The following COG5 variants were observed in gnomAD, a reference collection of about 807,000 sequenced individuals.
COG5 encodes conserved oligomeric Golgi complex subunit 5.
Under a neutral mutation model 110.4 loss-of-function variants are expected in COG5, and 86 were observed. The observed-to-expected ratio is 0.78, with a 90% CI of 0.65 to 0.93. The LOEUF is 0.93. COG5 is among the 40% of genes least tolerant of loss of function. The pLI, the probability that COG5 is intolerant of heterozygous loss-of-function variation, is 0.00. For synonymous variants in COG5, 360 were observed against 334.6 expected, an observed-to-expected ratio of 1.08 and a Z score of -0.83; for missense variants, 1,077 against 987.0, an observed-to-expected ratio of 1.09 and a Z score of -1.22.
chr7:107,379,598 CAAAAAAA>C (rs200972977), intron 7 of COG5, among the ~76,000 whole-genome samples: 2 of 73,126 alleles, frequency 2.7e-5, no homozygotes, highest in African/African-American at 1.1e-4. Flanking sequence ...AAATGGAAAG[CAAAAAAA>C]AAAAAAAAAA....
chr7:107,447,984 C>A (rs1300486298), intron 6 of COG5, among the ~76,000 whole-genome samples: 1 of 152,058 alleles, frequency 6.6e-6, no homozygotes, highest in African/African-American at 2.4e-5. Context: ...GGTGAAACCC[C>A]ATCTCTACTA....
intron 7 of COG5, among the ~76,000 whole-genome samples, chr7:107,405,801 AG>A (rs1259387039): frequency 3.9e-5 from 6 of 152,132 alleles, no homozygotes; most frequent in African/African-American, 1.2e-4. Flanking sequence ...CTATATCATG[AG>A]GGCAGGGCAC....
At chr7:107,476,254 G>T (rs980505118) in intron 6 of COG5, among the ~76,000 whole-genome samples, 2 of 136,622 alleles carry the variant, frequency 1.5e-5, no homozygotes, top group African/African-American at 5.5e-5. Flanking sequence ...ATTCAACTCA[G>T]CTCTTTTGTA....
chr7:107,260,686 G>A (rs1331093160), intron 14 of COG5, among the ~76,000 whole-genome samples: 4 of 151,850 alleles, frequency 2.6e-5, no homozygotes, highest in Non-Finnish European at 5.9e-5. Flanking sequence ...GACCTACAAA[G>A]CTACATAAAA....
chr7:107,501,984 G>A (rs1798665102), intron 6 of COG5, among the ~76,000 whole-genome samples: 1 of 152,134 alleles, frequency 6.6e-6, no homozygotes, highest in South Asian at 2.1e-4. Context: ...ACAATAAAGG[G>A]AAAACGAGAA....
chr7:107,440,399 A>AG (rs1355566170), intron 6 of COG5, among the ~76,000 whole-genome samples: 1 of 152,078 alleles, frequency 6.6e-6, no homozygotes, highest in African/African-American at 2.4e-5. Flanking sequence ...AAAAAAAAAA[A>AG]GCTGAGAGGG....
chr7:107,238,487 C>A (rs1801371297), intron 17 of COG5, among the ~76,000 whole-genome samples: 1 of 152,202 alleles, frequency 6.6e-6, no homozygotes, highest in East Asian at 1.9e-4. Context: ...TTTTGACATA[C>A]TGATTTCAAG....
At chr7:107,407,915 G>C (rs917566023) in intron 7 of COG5, among the ~76,000 whole-genome samples, 4 of 152,150 alleles carry the variant, frequency 2.6e-5, no homozygotes, top group Admixed American at 2.6e-4. Flanking sequence ...TACAGTTTGA[G>C]ATTTATAAAG....
chr7:107,489,707 C>G (rs1164491957), intron 6 of COG5, among the ~76,000 whole-genome samples: 1 of 152,120 alleles, frequency 6.6e-6, no homozygotes, highest in African/African-American at 2.4e-5. Context: ...AGGAATGACC[C>G]TCAAAGAAAG....
chr7:107,470,578 G>A (rs1214644353), intron 6 of COG5: 1 of 152,050 alleles, frequency 6.6e-6, no homozygotes, highest in Non-Finnish European at 1.5e-5. Flanking sequence ...TGTATTTTAA[G>A]ATCTATTTCT....
intron 8 of COG5, among the ~76,000 whole-genome samples, chr7:107,366,476 CT>C (rs1280426945): frequency 1.3e-5 from 2 of 152,058 alleles, no homozygotes. Context: ...TGGAAGAAAA[CT>C]TTTCTATAAA....
At chr7:107,222,377 T>G (rs1800001072) in intron 19 of COG5, among the ~76,000 whole-genome samples, 1 of 152,206 alleles carries the variant, frequency 6.6e-6, no homozygotes, top group Admixed American at 6.5e-5. Flanking sequence ...AGCTAATTTT[T>G]GTATTTTTAG....
At chr7:107,543,700 C>A (rs1351831598) in intron 5 of COG5, among the ~76,000 whole-genome samples, 1 of 152,144 alleles carries the variant, frequency 6.6e-6, no homozygotes, top group Non-Finnish European at 1.5e-5. Context: ...CAGGTCTGCC[C>A]CGCATCAGGT....
chr7:107,399,913 C>G (rs1281458204), intron 7 of COG5, among the ~76,000 whole-genome samples: 2 of 152,192 alleles, frequency 1.3e-5, no homozygotes, highest in Admixed American at 6.5e-5. Flanking sequence ...CTGCTAACAT[C>G]AAATGTTGGC....
intron 12 of COG5, among the ~76,000 whole-genome samples, chr7:107,295,064 CACATATATAT>C (rs1350377506): frequency 2.0e-3 from 110 of 54,380 alleles, no homozygotes; most frequent in African/African-American, 0.013. Context: ...CACACACACA[CACATATATAT>C]ATATATATAT....
chr7:107,550,323 C>T (rs1020163923), intron 3 of COG5, among the ~76,000 whole-genome samples: 1 of 152,160 alleles, frequency 6.6e-6, no homozygotes, highest in African/African-American at 2.4e-5. Flanking sequence ...GTCCCTGATT[C>T]CACCATTGCC....
At chr7:107,397,924 GA>G (rs995434081) in intron 7 of COG5, among the ~76,000 whole-genome samples, 6 of 148,150 alleles carry the variant, frequency 4.0e-5, no homozygotes, top group African/African-American at 9.9e-5. Context: ...TTAAATGAAA[GA>G]AAAAAAAAGG....
intron 14 of COG5, among the ~76,000 whole-genome samples, chr7:107,266,330 T>C (rs1803801769): frequency 6.6e-6 from 1 of 152,230 alleles, no homozygotes; most frequent in Non-Finnish European, 1.5e-5. Context: ...CATACTTTTC[T>C]GGTTTCATAA....
intron 12 of COG5, among the ~76,000 whole-genome samples, chr7:107,291,614 T>A (rs1584630240): frequency 6.6e-6 from 1 of 152,204 alleles, no homozygotes; most frequent in Non-Finnish European, 1.5e-5. Flanking sequence ...CCTCATTTTT[T>A]TTCTGACCAC....
Sources: gnomAD v4.1 joint callset for allele counts (sites outside exome capture counted in the v4.1 genomes callset) on GRCh38, gnomAD v4.1.1 for gene constraint, MANE v1.5 for transcripts, NCBI Gene and HGNC (gene_info 2026-07-23, HGNC 2026-07-21) for gene names.